The following TRAPPC9 variants were observed in gnomAD, a reference collection of about 807,000 sequenced individuals.
TRAPPC9 encodes IKK2 binding protein.
Under a neutral mutation model 124.0 loss-of-function variants are expected in TRAPPC9, and 83 were observed. The ratio of observed to expected loss-of-function variants is 0.67; its 90% CI spans 0.56 to 0.80. The LOEUF (loss-of-function observed/expected upper bound fraction) is 0.80. Among genes scored for constraint, TRAPPC9 ranks in the 30% least tolerant of loss-of-function variants. The pLI is 0.00. For missense variants in TRAPPC9, 1,302 were observed against 1,508.3 expected (o/e 0.86, Z 2.27); for synonymous variants, 638 against 617.5 (o/e 1.03, Z -0.49).
chr8:140,022,877 C>T (rs578223048), intron 18 of TRAPPC9, among the ~76,000 whole-genome samples: 22 of 152,198 alleles, frequency 1.4e-4, no homozygotes, highest in Non-Finnish European at 2.8e-4. Flanking sequence ...AGGCATTCTC[C>T]AATGGCTGGG....
intron 7 of TRAPPC9, among the ~76,000 whole-genome samples, chr8:140,396,131 A>G (rs1408612867): frequency 8.9e-6 from 1 of 111,858 alleles, no homozygotes; most frequent in Non-Finnish European, 1.8e-5. Flanking sequence ...TGATGTTAAG[A>G]CCTTGCCTTT....
chr8:140,391,853 C>G (rs2068934644), intron 7 of TRAPPC9, among the ~76,000 whole-genome samples: 1 of 151,892 alleles, frequency 6.6e-6, no homozygotes. Flanking sequence ...ATGGTGAAAC[C>G]CCATCTCTAC....
intron 7 of TRAPPC9, among the ~76,000 whole-genome samples, chr8:140,392,977 C>T (rs372548435): frequency 6.6e-6 from 1 of 152,186 alleles, no homozygotes; most frequent in African/African-American, 2.4e-5. Flanking sequence ...ATTATTCTAT[C>T]ATTCACAACT....
chr8:140,408,990 T>A (rs1156437169), intron 5 of TRAPPC9, among the ~76,000 whole-genome samples: 1 of 152,068 alleles, frequency 6.6e-6, no homozygotes, highest in South Asian at 2.1e-4. Flanking sequence ...GACTAATATA[T>A]TCAACCACAT....
intron 21 of TRAPPC9, among the ~76,000 whole-genome samples, chr8:139,744,796 G>A (rs537582348): frequency 6.6e-6 from 1 of 152,372 alleles, no homozygotes; most frequent in East Asian, 1.9e-4. Context: ...AACAGCTCCT[G>A]AGGAGCTGTT....
intron 9 of TRAPPC9, among the ~76,000 whole-genome samples, chr8:140,354,814 C>CCCAAATG (rs796963022): frequency 4.6e-5 from 7 of 152,312 alleles, no homozygotes; most frequent in African/African-American, 1.7e-4. Flanking sequence ...CCCTGCACAA[C>CCCAAATG]CCAGCTGTCC....
intron 9 of TRAPPC9, among the ~76,000 whole-genome samples, chr8:140,343,788 C>T (rs1338156486): frequency 6.6e-6 from 1 of 152,116 alleles, no homozygotes; most frequent in Non-Finnish European, 1.5e-5. Context: ...AGGAATGGGG[C>T]CCTGGAACTG....
intron 17 of TRAPPC9, among the ~76,000 whole-genome samples, chr8:140,110,019 G>A (rs1183418228): frequency 6.6e-6 from 1 of 152,084 alleles, no homozygotes; most frequent in Non-Finnish European, 1.5e-5. Context: ...TCAGGTGACA[G>A]CATCAACAGG....
At chr8:139,949,799 G>A (rs1421557084) in intron 19 of TRAPPC9, among the ~76,000 whole-genome samples, 1 of 152,268 alleles carries the variant, frequency 6.6e-6, no homozygotes, top group African/African-American at 2.4e-5. Flanking sequence ...TAGCATGGTA[G>A]GTGATAGTGT....
intron 19 of TRAPPC9, among the ~76,000 whole-genome samples, chr8:139,980,523 A>C (rs1490481348): frequency 6.6e-6 from 1 of 152,146 alleles, no homozygotes; most frequent in Non-Finnish European, 1.5e-5. Context: ...TGAAATTATC[A>C]CTGTAACAAA....
In TRAPPC9 at chr8:140,118,970, GA is replaced by G. The variant is rs566928121; in HGVS notation, c.2557-94892del. Among the ~76,000 whole-genome samples, 28 of 152,336 alleles carry G rather than the reference GA, an allele frequency of 1.8e-4. No individual in the cohort carries two copies. In the South Asian group the frequency reaches 4.8e-3, roughly 26 times the overall value. On this transcript the variant is annotated intron_variant, in intron 17 of 22. Transcript: ENST00000438773. The stretch of plus-strand genomic sequence containing the variant: ...GTCCCTCTTTGGCTTAAGACAGTGT[GA>G]AGGTGATTTTGTTAACTACCGTCAA...
intron 21 of TRAPPC9, among the ~76,000 whole-genome samples, chr8:139,761,382 C>T (rs531662886): frequency 6.6e-6 from 1 of 152,272 alleles, no homozygotes; most frequent in East Asian, 1.9e-4. Context: ...TTGTTTAATC[C>T]TCCTGGCAAA....
chr8:140,292,796 T>C (rs1314769192), intron 11 of TRAPPC9, among the ~76,000 whole-genome samples: 2 of 147,990 alleles, frequency 1.4e-5, no homozygotes, highest in Non-Finnish European at 3.0e-5. Flanking sequence ...ATTCAGGACA[T>C]AGGCATGGGC....
intron 21 of TRAPPC9, among the ~76,000 whole-genome samples, chr8:139,771,031 C>T (rs561536898): frequency 6.6e-5 from 10 of 152,278 alleles, no homozygotes; most frequent in East Asian, 5.8e-4. Flanking sequence ...CCCCCAGGGA[C>T]GCCAACATGC....
At chr8:139,807,058 G>A (rs1178393687) in intron 21 of TRAPPC9, among the ~76,000 whole-genome samples, 1 of 152,224 alleles carries the variant, frequency 6.6e-6, no homozygotes, top group Admixed American at 6.5e-5. Context: ...GCAGGAGGAA[G>A]CCTGTCACCT....
intron 9 of TRAPPC9, among the ~76,000 whole-genome samples, chr8:140,342,098 C>T (rs2067212524): frequency 6.6e-6 from 1 of 152,182 alleles, no homozygotes; most frequent in African/African-American, 2.4e-5. Flanking sequence ...TGGCAGAGTC[C>T]AGGCTGAGTA....
At position 139,919,524 on chromosome 8, in the gene TRAPPC9, A is replaced by T. The variant is rs553480160; in HGVS notation, c.2811-9224T>A. On this transcript the variant is annotated intron_variant, in intron 19 of 22. Coordinates refer to ENST00000438773, the MANE Select transcript of TRAPPC9 (RefSeq NM_001160372.4). ...ATCAAATCTCAATAAAGCTGTTATT[A>T]AAAAATATGGCTATTAAAGGAAGTT... 2.0e-4 allele frequency among the ~76,000 whole-genome samples: 30 copies of T among 152,366 alleles called. No homozygotes were observed. In the East Asian group the frequency reaches 2.5e-3, roughly 13 times the overall value.
chr8:140,011,319 G>A (rs1436043837), intron 18 of TRAPPC9, among the ~76,000 whole-genome samples: 1 of 151,432 alleles, frequency 6.6e-6, no homozygotes, highest in African/African-American at 2.4e-5. Flanking sequence ...TCCAGCCTGG[G>A]CAACAGAGCA....
chr8:139,893,781 G>A (rs1044202244), intron 20 of TRAPPC9, among the ~76,000 whole-genome samples: 16 of 152,224 alleles, frequency 1.1e-4, no homozygotes, highest in African/African-American at 3.6e-4. Flanking sequence ...GCACAAAGTC[G>A]GCACACACAG....
Sources: gnomAD v4.1 joint callset for allele counts (sites outside exome capture counted in the v4.1 genomes callset) on GRCh38, gnomAD v4.1.1 for gene constraint, MANE v1.5 for transcripts, NCBI Gene and HGNC (gene_info 2026-07-23, HGNC 2026-07-21) for gene names.